Variants in FLT1 observed in about 807,000 individuals in gnomAD.
FLT1 encodes the protein fms related receptor tyrosine kinase 1, also known as vascular endothelial growth factor receptor 1.
In FLT1, 49 loss-of-function variants were observed where a neutral mutation model predicts 156.3. The ratio of observed to expected loss-of-function variants is 0.31; its 90% confidence interval spans 0.25 to 0.40. The LOEUF is 0.40. Among genes scored for constraint, FLT1 ranks in the 10% least tolerant of loss-of-function variants. The pLI is 1.00. For synonymous variants in FLT1, 594 were observed against 583.8 expected (o/e 1.02, Z -0.25); for missense variants, 1,322 against 1,637.2 (o/e 0.81, Z 3.32).
At chr13:28,361,000 C>T (rs780152310) in intron 14 of FLT1, among the ~76,000 whole-genome samples, 4 of 152,054 alleles carry the variant, frequency 2.6e-5, no homozygotes, top group Non-Finnish European at 5.9e-5. Flanking sequence ...TGGAAAAGGC[C>T]GGGCACGGTG....
intron 15 of FLT1, among the ~76,000 whole-genome samples, chr13:28,353,156 T>C (rs1872778957): frequency 6.6e-6 from 1 of 152,186 alleles, no homozygotes; most frequent in African/African-American, 2.4e-5. Context: ...GCCTTTGGGA[T>C]TTTTGTATCT....
chr13:28,326,826 A>T (rs1871704293), intron 20 of FLT1, among the ~76,000 whole-genome samples: 1 of 152,192 alleles, frequency 6.6e-6, no homozygotes, highest in South Asian at 2.1e-4. Flanking sequence ...TGCCTGGCCC[A>T]ATAATCTCTT....
chr13:28,436,992 C>A (rs114693540), intron 4 of FLT1, among the ~76,000 whole-genome samples: 1,891 of 152,274 alleles, frequency 0.012, 47 homozygotes, highest in African/African-American at 0.043. Flanking sequence ...CTTAACCACA[C>A]TTGTCTTCCT....
intron 10 of FLT1, among the ~76,000 whole-genome samples, chr13:28,417,200 A>G (rs1246630822): frequency 6.6e-6 from 1 of 152,206 alleles, no homozygotes; most frequent in Admixed American, 6.5e-5. Context: ...ATTTCACATC[A>G]GGTCCAAAAT....
chr13:28,451,151 G>C (rs1288431203), intron 3 of FLT1, among the ~76,000 whole-genome samples: 1 of 152,180 alleles, frequency 6.6e-6, no homozygotes, highest in Admixed American at 6.5e-5. Flanking sequence ...GGCCAGGCAC[G>C]GTGGCTGACG....
chr13:28,436,810 C>T (rs1878049530), intron 4 of FLT1, among the ~76,000 whole-genome samples: 1 of 152,156 alleles, frequency 6.6e-6, no homozygotes, highest in Admixed American at 6.5e-5. Context: ...AAGTGCTTTC[C>T]ATATATCACC....
At chr13:28,328,992 C>T (rs905019591) in intron 19 of FLT1, among the ~76,000 whole-genome samples, 12 of 152,214 alleles carry the variant, frequency 7.9e-5, no homozygotes, top group Admixed American at 5.9e-4. Context: ...CCCCAGCTAC[C>T]CTTCATCTCT....
chr13:28,348,675 C>T (rs978325808), intron 15 of FLT1, among the ~76,000 whole-genome samples: 2 of 152,086 alleles, frequency 1.3e-5, no homozygotes, highest in Non-Finnish European at 2.9e-5. Context: ...TTTGGGAGCC[C>T]GAGGTAGGCG....
At chr13:28,462,947 C>T (rs577717218) in intron 3 of FLT1, among the ~76,000 whole-genome samples, 1 of 152,290 alleles carries the variant, frequency 6.6e-6, no homozygotes, top group East Asian at 1.9e-4. Context: ...AACCTGACCA[C>T]CTTATTCCAG....
At chr13:28,310,183 C>T (rs1870938630) in intron 27 of FLT1, among the ~76,000 whole-genome samples, 1 of 152,108 alleles carries the variant, frequency 6.6e-6, no homozygotes, top group South Asian at 2.1e-4. Flanking sequence ...AGCCACTGTG[C>T]CCGGCCGCAA....
intron 1 of FLT1, among the ~76,000 whole-genome samples, chr13:28,482,413 A>G (rs927184629): frequency 6.6e-6 from 1 of 152,036 alleles, no homozygotes; most frequent in Non-Finnish European, 1.5e-5. Context: ...GGACAACAAA[A>G]GTGAAACTCC....
chr13:28,409,971 A>G (rs2137501911), intron 10 of FLT1, among the ~76,000 whole-genome samples: 1 of 152,258 alleles, frequency 6.6e-6, no homozygotes, highest in Admixed American at 6.5e-5. Context: ...GTGCATGCAC[A>G]GTCTGCAATT....
chr13:28,353,300 C>T (rs749692639), intron 15 of FLT1, among the ~76,000 whole-genome samples: 13 of 152,048 alleles, frequency 8.5e-5, no homozygotes, highest in South Asian at 2.1e-4. Flanking sequence ...TGGCTGGGCG[C>T]GGTGGCTCAT....
chr13:28,419,900 C>G (rs570875290), intron 10 of FLT1, among the ~76,000 whole-genome samples: 4 of 152,258 alleles, frequency 2.6e-5, no homozygotes, highest in African/African-American at 7.2e-5. Context: ...CAAAAAACAT[C>G]CCGCATAGAT....
intron 3 of FLT1, among the ~76,000 whole-genome samples, chr13:28,454,979 C>A (rs1371749951): frequency 6.6e-6 from 1 of 152,032 alleles, no homozygotes; most frequent in Non-Finnish European, 1.5e-5. Flanking sequence ...AGGAAAACTA[C>A]AAAACTATGA....
chr13:28,339,211 A>G lies in FLT1; in HGVS notation c.2445T>C (p.Tyr815=), dbSNP rs1290636263. ...GGGCAAACTCCCACTTGCTGGCATC[A>G]TAAGGGAGCCGCTCACACTGCTCAT... is the stretch of plus-strand genomic sequence containing the variant. ...PLDEQCERLP[Y]DASKWEFARE... Residue 815 remains tyrosine (Y), a synonymous_variant, in exon 17 of 30, where the codon TAT becomes TAC. Coordinates refer to ENST00000282397, the MANE Select transcript of FLT1 (RefSeq NM_002019.4). The G allele has an allele frequency of 3.0e-5, 49 of 1,614,090 alleles. No homozygotes were observed. The highest frequency in any genetic ancestry group is 3.8e-5 in the Non-Finnish European group (45 of 1,180,034).
chr13:28,457,036 T>C (rs1264708348), intron 3 of FLT1, among the ~76,000 whole-genome samples: 2 of 152,166 alleles, frequency 1.3e-5, no homozygotes, highest in East Asian at 3.8e-4. Flanking sequence ...GGTTCATTAA[T>C]TGAAACAAAT....
At chr13:28,305,603 C>G (rs1167373500) in intron 29 of FLT1, among the ~76,000 whole-genome samples, 1 of 152,172 alleles carries the variant, frequency 6.6e-6, no homozygotes, top group Non-Finnish European at 1.5e-5. Context: ...TCTGTAAATA[C>G]AGTGTGTGGG....
intron 3 of FLT1, among the ~76,000 whole-genome samples, chr13:28,460,046 T>C (rs916433218): frequency 1.2e-4 from 18 of 152,340 alleles, no homozygotes; most frequent in African/African-American, 4.1e-4. Context: ...TCCATGGAGA[T>C]GTTTATTGGA....
Sources: gnomAD v4.1 joint callset for allele counts (sites outside exome capture counted in the v4.1 genomes callset) on GRCh38, gnomAD v4.1.1 for gene constraint, MANE v1.5 for transcripts, NCBI Gene and HGNC (gene_info 2026-07-23, HGNC 2026-07-21) for gene names.